Variants in FLOT1 observed in about 807,000 individuals in gnomAD.
The protein encoded by FLOT1 is flotillin 1.
FLOT1 carries 40 observed loss-of-function variants against 58.4 expected under a neutral mutation model. The observed-to-expected ratio is 0.69, with a 90% CI of 0.53 to 0.89. The LOEUF is 0.89. FLOT1 is among the 40% of genes least tolerant of loss of function. The probability of loss-of-function intolerance (pLI) is 0.00; values close to 1 mark genes in which losing one functional copy is unlikely to be tolerated. For synonymous variants in FLOT1, 178 were observed against 204.2 expected, an observed-to-expected ratio of 0.87 and a Z score of 1.09; for missense variants, 423 against 540.8, an observed-to-expected ratio of 0.78 and a Z score of 2.16.
At position 30,741,755 on chromosome 6, in the gene FLOT1, A is replaced by G. The variant is rs1581723353; in HGVS notation, c.119+37T>C. ...GTAAGAAGAGGAGGAAAAAGAGAAA[A>G]CGGAGGTCCCCCTTCCCTGGTTCCC... On this transcript the variant is annotated intron_variant, in intron 3 of 12. Transcript: ENST00000376389. The surrounding 1 kb of genome is among the most constrained non-coding windows in gnomAD (Gnocchi z 5.9). 6.2e-7 allele frequency: 1 copy of G among 1,610,044 alleles called. No homozygotes were observed. The highest frequency in any genetic ancestry group is 2.2e-5 in the East Asian group (1 of 44,864).
chr6:30,740,849 T>G (rs1316038268), intron 5 of FLOT1, 51 bp from the exon 6 acceptor site: 1 of 1,566,936 alleles, frequency 6.4e-7, no homozygotes, highest in East Asian at 2.2e-5. Context: ...TTTTTTTTTT[T>G]TTTTTTTGCT....
At chr6:30,735,143 T>C (rs1581703461) in intron 8 of FLOT1, among the ~76,000 whole-genome samples, 2 of 151,648 alleles carry the variant, frequency 1.3e-5, no homozygotes, top group African/African-American at 2.4e-5. Flanking sequence ...TTTTGGAAGA[T>C]GGAAGTTCTG....
intron 8 of FLOT1, among the ~76,000 whole-genome samples, chr6:30,736,654 C>T (rs544927816): frequency 7.3e-5 from 11 of 150,558 alleles, no homozygotes; most frequent in Admixed American, 6.6e-4. Context: ...AGTGCAGTGG[C>T]GCGATCTCGG....
At chr6:30,732,811 ACTGT>A (rs1777293867) in intron 8 of FLOT1, among the ~76,000 whole-genome samples, 1 of 152,078 alleles carries the variant, frequency 6.6e-6, no homozygotes, top group African/African-American at 2.4e-5. Flanking sequence ...GGCACTCTGT[ACTGT>A]CTTTCACCCT....
At position 30,741,186 on chromosome 6, in the gene FLOT1, C is replaced by A; in HGVS notation, c.354+4G>T. On this transcript the variant is annotated splice_donor_region_variant and intron_variant, in intron 5 of 12. Coordinates refer to ENST00000376389, the MANE Select transcript of FLOT1 (RefSeq NM_005803.4). This position sits in a 1 kb window ranked among gnomAD's most constrained non-coding sequence, Gnocchi z 5.9. ...TCCAGATGGTTCCCTGCCCCTAGGC[C>A]AACCTCCACAGTCATGTGGGCCATG... is the stretch of plus-strand genomic sequence containing the variant. 1 of 1,612,926 alleles carries A rather than the reference C, an allele frequency of 6.2e-7. No homozygotes were observed. Among genetic ancestry groups the A allele is most frequent in the Non-Finnish European group, 8.5e-7 (1 of 1,180,012 alleles).
rs9281026 is a variant in FLOT1 at position 30,737,242 on chromosome 6, G to GTCCGTCCA, written c.723+2908_723+2915dup. On this transcript the variant is annotated intron_variant, in intron 8 of 12. Transcript: ENST00000376389. This position sits in a 1 kb window ranked among gnomAD's most constrained non-coding sequence, Gnocchi z 4.4. ...CGTCCGTCCGTCCGTCCGTCCGTCC[G>GTCCGTCCA]TCCGTCCATCCGTCCATCCATCCAT... Among the ~76,000 whole-genome samples, 14,036 of 145,606 alleles carry GTCCGTCCA rather than the reference G, an allele frequency of 0.096. 1,064 individuals carry two copies. The highest frequency in any genetic ancestry group is 0.28 in the East Asian group (1,382 of 4,872).
rs898195048 is a variant in FLOT1 at position 30,741,946 on chromosome 6, A to C, written c.44-79T>G. On this transcript the variant is annotated intron_variant, in intron 2 of 12. Transcript: ENST00000376389. This position sits in a 1 kb window ranked among gnomAD's most constrained non-coding sequence, Gnocchi z 5.9. Reference sequence around the variant, plus strand: ...GAGGAACTGGCGGGGGTGAGGGGACAGCAACCCACAGGAGAGAATCTGGGA... The same window carrying C: ...GAGGAACTGGCGGGGGTGAGGGGACCGCAACCCACAGGAGAGAATCTGGGA... The C allele has an allele frequency of 5.9e-6, 8 of 1,355,118 alleles. No individual in the cohort carries two copies. The highest frequency in any genetic ancestry group is 8.4e-6 in the Non-Finnish European group (8 of 952,952). 83.9% of individuals were successfully genotyped at this position (1,355,118 alleles called of 1,614,324 possible). A position where few individuals can be genotyped will look rare whatever the true frequency, so the allele number is the denominator to read the frequency against.
chr6:30,728,212 G>A, intron 12 of FLOT1, 67 bp from the exon 13 acceptor site: 1 of 1,452,674 alleles, frequency 6.9e-7, no homozygotes, highest in African/African-American at 1.4e-5. Context: ...TACTCTCCCG[G>A]GCCCCAGTTT....
intron 8 of FLOT1, among the ~76,000 whole-genome samples, chr6:30,738,976 A>C (rs1777770965): frequency 6.6e-6 from 1 of 152,198 alleles, no homozygotes; most frequent in African/African-American, 2.4e-5. Flanking sequence ...CTGCGACTTT[A>C]TTGGTAACCT....
intron 12 of FLOT1, among the ~76,000 whole-genome samples, chr6:30,728,464 C>T (rs1278559030): frequency 6.8e-6 from 1 of 146,242 alleles, no homozygotes; most frequent in Non-Finnish European, 1.5e-5. Context: ...TTTACATACG[C>T]TTTTTTTTTT....
intron 12 of FLOT1, among the ~76,000 whole-genome samples, chr6:30,729,075 G>T (rs992991258): frequency 6.9e-6 from 1 of 145,738 alleles, no homozygotes; most frequent in Non-Finnish European, 1.5e-5. Flanking sequence ...ACCGCGCCTG[G>T]AATTTTTTTT....
intron 8 of FLOT1, among the ~76,000 whole-genome samples, chr6:30,738,553 T>C (rs908963154): frequency 6.6e-6 from 1 of 152,208 alleles, no homozygotes; most frequent in Non-Finnish European, 1.5e-5. Flanking sequence ...CGTGAGCCTC[T>C]GGTCAAAACA....
chr6:30,731,644 C>T (rs1382106619), intron 8 of FLOT1, among the ~76,000 whole-genome samples: 2 of 152,194 alleles, frequency 1.3e-5, no homozygotes, highest in East Asian at 1.9e-4. Context: ...CTTGAGGGCA[C>T]TGAGCACATG....
chr6:30,730,645 T>C, intron 10 of FLOT1, 37 bp downstream of exon 10: 2 of 1,613,606 alleles, frequency 1.2e-6, no homozygotes, highest in Non-Finnish European at 1.7e-6. Context: ...ACCCCCACCC[T>C]CTCCACAAGC....
chr6:30,730,644 C>T, intron 10 of FLOT1, 38 bp downstream of exon 10: 1 of 1,613,724 alleles, frequency 6.2e-7, no homozygotes, highest in Non-Finnish European at 8.5e-7. Context: ...AACCCCCACC[C>T]TCTCCACAAG....
Position 30,741,190 on chromosome 6 carries a change from C to T in FLOT1, c.354G>A (p.Glu118=). ...GATGGTTCCCTGCCCCTAGGCCAACCTCCACAGTCATGTGGGCCATGATGG... is the reference window on the plus strand; with the variant it reads ...GATGGTTCCCTGCCCCTAGGCCAACTTCCACAGTCATGTGGGCCATGATGG... ...QRAIMAHMTV[E]EIYKDRQKFS... The change falls in exon 5 of 13, where the codon GAG becomes GAA. Residue 118 remains glutamate, a splice_region_variant and synonymous_variant. Transcript: ENST00000376389. The surrounding 1 kb of genome is among the most constrained non-coding windows in gnomAD (Gnocchi z 5.9). 2 of 1,612,976 alleles carry T rather than the reference C, an allele frequency of 1.2e-6. No individual in the cohort carries two copies. The highest frequency in any genetic ancestry group is 1.7e-6 in the Non-Finnish European group (2 of 1,180,022).
chr6:30,739,767 ATCC>A (rs2127779301), intron 8 of FLOT1, among the ~76,000 whole-genome samples: 1 of 152,074 alleles, frequency 6.6e-6, no homozygotes, highest in Non-Finnish European at 1.5e-5. Context: ...GGCTCAAGCA[ATCC>A]TCCTGCCTCA....
chr6:30,731,218 C>G, intron 8 of FLOT1, 118 bp from the exon 9 acceptor site: 3 of 1,022,102 alleles, frequency 2.9e-6, no homozygotes, highest in Non-Finnish European at 4.2e-6. Flanking sequence ...GGCGCGGTGG[C>G]TCACGCCTGT....
At chr6:30,729,556 G>A (rs1045809019) in intron 12 of FLOT1, among the ~76,000 whole-genome samples, 3 of 152,198 alleles carry the variant, frequency 2.0e-5, no homozygotes, top group African/African-American at 7.2e-5. Flanking sequence ...ACAGCTAGCA[G>A]GCATTGTAGC....
Sources: allele counts gnomAD v4.1 joint callset (sites outside exome capture counted in the v4.1 genomes callset), GRCh38; gene constraint gnomAD v4.1.1; non-coding constraint Gnocchi (gnomAD v3.1); transcripts MANE v1.5; gene names NCBI Gene and HGNC (gene_info 2026-07-23, HGNC 2026-07-21).